SOX1: variants seen among roughly 807,000 people sequenced by gnomAD.
The protein encoded by SOX1 is SRY-box transcription factor 1, also known as transcription factor SOX-1.
SOX1 carries 1 observed loss-of-function variant against 0.9 expected under a neutral mutation model. The observed-to-expected ratio is 1.07, with a 90% CI of 0.38 to 5.06. The LOEUF is 5.06. Among genes scored for constraint, SOX1 ranks in the 30% most tolerant of loss-of-function variants. SOX1 has a pLI of 0.16. For missense variants in SOX1, 564 were observed against 534.4 expected (o/e 1.06, Z -0.55); for synonymous variants, 397 against 265.5 (o/e 1.50, Z -4.81).
In SOX1 at chr13:112,067,761, G is replaced by T. The variant is rs1880760258; in HGVS notation, c.103G>T (p.Gly35Cys). The T allele has an allele frequency of 7.9e-7, 1 of 1,264,744 alleles. No homozygotes were observed. Among genetic ancestry groups the T allele is most frequent in the Admixed American group, 3.9e-5 (1 of 25,472 alleles). The allele number at this position is 1,264,744 out of a possible 1,614,324, so 78.3% of individuals were successfully genotyped here. Residue 35 changes from glycine (G) to cysteine (C), a missense_variant, in exon 1 of 1, where the codon GGC becomes TGC. Transcript: ENST00000330949. The surrounding 1 kb of genome is among the most constrained non-coding windows in gnomAD (Gnocchi z 5.1). Reference protein sequence around the residue: ...PAGAGGGGGGGGGGGGGGGAK... With the variant: ...PAGAGGGGGGCGGGGGGGGAK... ...CGGGGCGGGCGGCGGCGGGGGCGGAGGCGGGGGCGGCGGCGGCGGCGGGGG... is the reference window on the plus strand; with the variant it reads ...CGGGGCGGGCGGCGGCGGGGGCGGATGCGGGGGCGGCGGCGGCGGCGGGGG...
In SOX1 at chr13:112,068,497, CCGCGGCCGCCGCCGCCGCCG is replaced by C; in HGVS notation, c.841_860del (p.Ala281CysfsTer173). 1 of 1,029,944 alleles carries C rather than the reference CCGCGGCCGCCGCCGCCGCCG, an allele frequency of 9.7e-7. No homozygotes were observed. 63.8% of individuals were successfully genotyped at this position (1,029,944 alleles called of 1,614,324 possible). On this transcript the variant is annotated frameshift_variant, in exon 1 of 1. Coordinates refer to ENST00000330949, the MANE Select transcript of SOX1 (RefSeq NM_005986.3). LOFTEE classifies it low-confidence loss of function (END_TRUNC). This position sits in a 1 kb window ranked among gnomAD's most constrained non-coding sequence, Gnocchi z 6.9. ...GGCTACGGCGGCCTCCCCTACGGCG[CCGCGGCCGCCGCCGCCGCCG>C]CTGCGGGCGGCGCGCACCAGAACTC...
At position 112,068,473 on chromosome 13, in the gene SOX1, G is replaced by A; in HGVS notation, c.815G>A (p.Gly272Asp). The A allele has an allele frequency of 8.8e-7, 1 of 1,142,592 alleles. No individual in the cohort carries two copies. 70.8% of individuals were successfully genotyped at this position (1,142,592 alleles called of 1,614,324 possible). A position where few individuals can be genotyped will look rare whatever the true frequency, so the allele number is the denominator to read the frequency against. ...GGCTACATGAGCGCGTCGCCCTCGGGCTACGGCGGCCTCCCCTACGGCGCC... is the reference window on the plus strand; with the variant it reads ...GGCTACATGAGCGCGTCGCCCTCGGACTACGGCGGCCTCCCCTACGGCGCC... ...SQGYMSASPS[G>D]YGGLPYGAAA... Residue 272 changes from glycine to aspartate, a missense_variant, in exon 1 of 1, where the codon GGC becomes GAC. Transcript: ENST00000330949. This position sits in a 1 kb window ranked among gnomAD's most constrained non-coding sequence, Gnocchi z 6.9.
chr13:112,068,661 C>T lies in SOX1; in HGVS notation c.1003C>T (p.Pro335Ser). 7 of 1,166,834 alleles carry T rather than the reference C, an allele frequency of 6.0e-6. No individual in the cohort carries two copies. Among genetic ancestry groups the T allele is most frequent in the Non-Finnish European group, 7.4e-6 (7 of 946,450 alleles). 72.3% of individuals were successfully genotyped at this position (1,166,834 alleles called of 1,614,324 possible). A position where few individuals can be genotyped will look rare whatever the true frequency, so the allele number is the denominator to read the frequency against. ...SPPAPAHSRAPCPGDLREMIS... is the reference protein window; with the variant it reads ...SPPAPAHSRASCPGDLREMIS... ...GCCCGCCCCAGCGCACTCGCGGGCG[C>T]CGTGCCCCGGGGACCTGCGCGAGAT... The change falls in exon 1 of 1, where the codon CCG becomes TCG. Residue 335 changes from proline (P) to serine (S), a missense_variant. Physicochemically the swap from Pro to Ser is moderately conservative, Grantham distance 74. Coordinates refer to ENST00000330949, the MANE Select transcript of SOX1 (RefSeq NM_005986.3). This position sits in a 1 kb window ranked among gnomAD's most constrained non-coding sequence, Gnocchi z 6.9.
Position 112,067,596 on chromosome 13 carries a change from AC to A in SOX1, c.-59del. The A allele has an allele frequency of 1.0e-6, 1 of 955,366 alleles. No individual in the cohort carries two copies. The allele number at this position is 955,366 out of a possible 1,614,324, so 59.2% of individuals were successfully genotyped here. Reference sequence around the variant, plus strand: ...CTGAATTCCTCTCCGTCTCCCTCCCACCCCGGCCGTCTATGCTCCAGGCCCT... The same window carrying A: ...CTGAATTCCTCTCCGTCTCCCTCCCACCCGGCCGTCTATGCTCCAGGCCCT... On this transcript the variant is annotated 5_prime_UTR_variant, in exon 1 of 1. Transcript: ENST00000330949. This position sits in a 1 kb window ranked among gnomAD's most constrained non-coding sequence, Gnocchi z 5.1.
In SOX1 at chr13:112,068,789, C is replaced by G; in HGVS notation, c.1131C>G (p.Gly377=). ...RLHSLPQHYQ[G]AGAGVNGTVP... Reference sequence around the variant, plus strand: ...ACTCGCTGCCGCAGCACTACCAGGGCGCGGGCGCGGGCGTGAACGGCACGG... The same window carrying G: ...ACTCGCTGCCGCAGCACTACCAGGGGGCGGGCGCGGGCGTGAACGGCACGG... The change falls in exon 1 of 1, where the codon GGC becomes GGG. Residue 377 remains glycine, a synonymous_variant. Transcript: ENST00000330949. The surrounding 1 kb of genome is among the most constrained non-coding windows in gnomAD (Gnocchi z 6.9). 1 of 1,225,150 alleles carries G rather than the reference C, an allele frequency of 8.2e-7. No homozygotes were observed. Among genetic ancestry groups the G allele is most frequent in the Admixed American group, 4.3e-5 (1 of 23,094 alleles). The allele number at this position is 1,225,150 out of a possible 1,614,324, so 75.9% of individuals were successfully genotyped here. A position where few individuals can be genotyped will look rare whatever the true frequency, so the allele number is the denominator to read the frequency against.
Position 112,068,541 on chromosome 13 carries a change from TCGGCCGTGG to T in SOX1, c.888_896del (p.Val297_Ala299del). ...CGCTGCGGGCGGCGCGCACCAGAACTCGGCCGTGGCGGCGGCGGCGGCGGCGGCGGCCGC... is the reference window on the plus strand; with the variant it reads ...CGCTGCGGGCGGCGCGCACCAGAACTCGGCGGCGGCGGCGGCGGCGGCCGC... On this transcript the variant is annotated inframe_deletion, in exon 1 of 1. Transcript: ENST00000330949. The surrounding 1 kb of genome is among the most constrained non-coding windows in gnomAD (Gnocchi z 6.9). 1.1e-6 allele frequency: 1 copy of T among 923,412 alleles called. No individual in the cohort carries two copies. Among genetic ancestry groups the T allele is most frequent in the Non-Finnish European group, 1.3e-6 (1 of 779,566 alleles). The allele number at this position is 923,412 out of a possible 1,614,324, so 57.2% of individuals were successfully genotyped here.
rs1880840925 is a variant in SOX1, at chr13:112,069,836, T to G, written c.*1002T>G. The G allele has an allele frequency of 6.0e-6, 1 of 167,020 alleles. No homozygotes were observed. Among genetic ancestry groups the G allele is most frequent in the Non-Finnish European group, 1.5e-5 (1 of 68,108 alleles). The allele number at this position is 167,020 out of a possible 1,614,324, so 10.3% of individuals were successfully genotyped here. A position where few individuals can be genotyped will look rare whatever the true frequency, so the allele number is the denominator to read the frequency against. ...CTATAGGTTATTTTGTAGAGCTGAGTGTTAATACGGGCCGAGAAATAAAAG... is the reference window on the plus strand; with the variant it reads ...CTATAGGTTATTTTGTAGAGCTGAGGGTTAATACGGGCCGAGAAATAAAAG... On this transcript the variant is annotated 3_prime_UTR_variant, in exon 1 of 1. Coordinates refer to ENST00000330949, the MANE Select transcript of SOX1 (RefSeq NM_005986.3).
chr13:112,070,432 C>T lies in SOX1; in HGVS notation c.*1598C>T, dbSNP rs1472248229. On this transcript the variant is annotated 3_prime_UTR_variant, in exon 1 of 1. Coordinates refer to ENST00000330949, the MANE Select transcript of SOX1 (RefSeq NM_005986.3). ...TTTTTTTTTTGAAATTTAAAAATTT[C>T]TGTAAAACTTTGTCTTCAAGTAATC... is the stretch of plus-strand genomic sequence containing the variant. The T allele has an allele frequency of 6.0e-6, 1 of 165,680 alleles. No individual in the cohort carries two copies. Among genetic ancestry groups the T allele is most frequent in the Non-Finnish European group, 1.5e-5 (1 of 67,940 alleles). 10.3% of individuals were successfully genotyped at this position (165,680 alleles called of 1,614,324 possible).
At position 112,069,968 on chromosome 13, in the gene SOX1, G is replaced by A. The variant is rs557570863; in HGVS notation, c.*1134G>A. The A allele has an allele frequency of 6.0e-6, 1 of 167,192 alleles. No individual in the cohort carries two copies. The highest frequency in any genetic ancestry group is 2.4e-5 in the African/African-American group (1 of 41,452). 10.4% of individuals were successfully genotyped at this position (167,192 alleles called of 1,614,324 possible). ...GGCTGGGGGTCTGCGCCACAGTTTG[G>A]TCCAGAGGAGGGAGGAGGAAGGGAA... On this transcript the variant is annotated 3_prime_UTR_variant, in exon 1 of 1. Transcript: ENST00000330949.
In SOX1 at chr13:112,067,533, C is replaced by A; in HGVS notation, c.-126C>A. On this transcript the variant is annotated 5_prime_UTR_variant, in exon 1 of 1. Coordinates refer to ENST00000330949, the MANE Select transcript of SOX1 (RefSeq NM_005986.3). The surrounding 1 kb of genome is among the most constrained non-coding windows in gnomAD (Gnocchi z 5.1). ...GTTGCCTCCACCCCTCCCCATTCTT[C>A]TCTCCGCTAGGACCCCCCCGCCCCC... 2.8e-6 allele frequency: 1 copy of A among 363,458 alleles called. No individual in the cohort carries two copies. Among genetic ancestry groups the A allele is most frequent in the Non-Finnish European group, 4.1e-6 (1 of 246,234 alleles). 22.5% of individuals were successfully genotyped at this position (363,458 alleles called of 1,614,324 possible). A position where few individuals can be genotyped will look rare whatever the true frequency, so the allele number is the denominator to read the frequency against.
In SOX1 at chr13:112,068,854, ACT is replaced by A. The variant is rs1880808712; in HGVS notation, c.*23_*24del. Reference sequence around the variant, plus strand: ...ATCTAGCGCCTTCGGGACGCCGGGGACTCTGCGGCGGCGACCCACGAGCTCGC... The same window carrying A: ...ATCTAGCGCCTTCGGGACGCCGGGGACTGCGGCGGCGACCCACGAGCTCGC... On this transcript the variant is annotated 3_prime_UTR_variant, in exon 1 of 1. Coordinates refer to ENST00000330949, the MANE Select transcript of SOX1 (RefSeq NM_005986.3). This position sits in a 1 kb window ranked among gnomAD's most constrained non-coding sequence, Gnocchi z 6.9. 8.3e-7 allele frequency: 1 copy of A among 1,205,656 alleles called. No homozygotes were observed. The highest frequency in any genetic ancestry group is 1.0e-6 in the Non-Finnish European group (1 of 963,334). The allele number at this position is 1,205,656 out of a possible 1,614,324, so 74.7% of individuals were successfully genotyped here. A position where few individuals can be genotyped will look rare whatever the true frequency, so the allele number is the denominator to read the frequency against.
chr13:112,070,633 G>C lies in SOX1; in HGVS notation c.*1799G>C, dbSNP rs1377953116. ...CCTCGCTTTCTCAACACCCTTCCTTGTCCTGGAGTATGGACTGTCCGTCCA... is the reference window on the plus strand; with the variant it reads ...CCTCGCTTTCTCAACACCCTTCCTTCTCCTGGAGTATGGACTGTCCGTCCA... On this transcript the variant is annotated 3_prime_UTR_variant, in exon 1 of 1. Coordinates refer to ENST00000330949, the MANE Select transcript of SOX1 (RefSeq NM_005986.3). 5 of 166,828 alleles carry C rather than the reference G, an allele frequency of 3.0e-5. No individual in the cohort carries two copies. Among genetic ancestry groups the C allele is most frequent in the Non-Finnish European group, 5.9e-5 (4 of 68,094 alleles). 10.3% of individuals were successfully genotyped at this position (166,828 alleles called of 1,614,324 possible).
chr13:112,069,056 G>C lies in SOX1; in HGVS notation c.*222G>C, dbSNP rs1459028880. ...GCGCTGACACCAGACTTGGGTTTTA[G>C]ACTGAACTTCGGTGTTTTCTTGAGA... On this transcript the variant is annotated 3_prime_UTR_variant, in exon 1 of 1. Transcript: ENST00000330949. The C allele has an allele frequency of 3.4e-6, 1 of 291,766 alleles. No individual in the cohort carries two copies. Among genetic ancestry groups the C allele is most frequent in the Non-Finnish European group, 6.7e-6 (1 of 149,598 alleles). 18.1% of individuals were successfully genotyped at this position (291,766 alleles called of 1,614,324 possible). A position where few individuals can be genotyped will look rare whatever the true frequency, so the allele number is the denominator to read the frequency against.
In SOX1 at chr13:112,068,237, C is replaced by T. The variant is rs1321976226; in HGVS notation, c.579C>T (p.Pro193=). The change falls in exon 1 of 1, where the codon CCC becomes CCT. Residue 193 remains proline, a synonymous_variant. Transcript: ENST00000330949. This position sits in a 1 kb window ranked among gnomAD's most constrained non-coding sequence, Gnocchi z 6.9. The part of the protein sequence containing the change: ...HVNGWANGAY[P]GSVAAAAAAA... ...ACGGCTGGGCCAACGGCGCCTACCC[C>T]GGCTCGGTGGCGGCGGCGGCGGCGG... 4.1e-6 allele frequency: 3 copies of T among 734,252 alleles called. No homozygotes were observed. The East Asian group carries it at 3.4e-4, about 83-fold the overall frequency. 45.5% of individuals were successfully genotyped at this position (734,252 alleles called of 1,614,324 possible). A position where few individuals can be genotyped will look rare whatever the true frequency, so the allele number is the denominator to read the frequency against.
rs1880770171 is a variant in SOX1, at chr13:112,068,039, G to A, written c.381G>A (p.Lys127=). The A allele has an allele frequency of 2.5e-6, 4 of 1,602,844 alleles. No individual in the cohort carries two copies. The highest frequency in any genetic ancestry group is 3.4e-5 in the Admixed American group (2 of 58,926). Residue 127 remains lysine, a synonymous_variant, in exon 1 of 1, where the codon AAG becomes AAA. Transcript: ENST00000330949. This position sits in a 1 kb window ranked among gnomAD's most constrained non-coding sequence, Gnocchi z 6.9. ...DYKYRPRRKT[K]TLLKKDKYSL... ...AGTACCGGCCGCGCCGCAAGACCAA[G>A]ACGCTGCTCAAGAAGGACAAGTACT...
chr13:112,067,967 G>A lies in SOX1; in HGVS notation c.309G>A (p.Glu103=), dbSNP rs1218462800. The part of the protein sequence containing the change: ...SEAEKRPFID[E]AKRLRALHMK... ...CCGAGAAGCGGCCGTTCATCGACGA[G>A]GCCAAGCGGCTGCGCGCGCTGCACA... Residue 103 remains glutamate (E), a synonymous_variant, in exon 1 of 1, where the codon GAG becomes GAA. Transcript: ENST00000330949. The surrounding 1 kb of genome is among the most constrained non-coding windows in gnomAD (Gnocchi z 5.1). 1.9e-6 allele frequency: 3 copies of A among 1,607,244 alleles called. No individual in the cohort carries two copies. The African/African-American group carries it at 4.0e-5, about 22-fold the overall frequency.
rs761294176 is a variant in SOX1 at position 112,067,630 on chromosome 13, C to A, written c.-29C>A. The A allele has an allele frequency of 3.2e-6, 4 of 1,260,878 alleles. No homozygotes were observed. In the South Asian group the frequency reaches 9.9e-5, roughly 31 times the overall value. The allele number at this position is 1,260,878 out of a possible 1,614,324, so 78.1% of individuals were successfully genotyped here. Reference sequence around the variant, plus strand: ...GTCTATGCTCCAGGCCCTCTCCTCGCGGTGCCGGTGAACCCGCCAGCCGCC... The same window carrying A: ...GTCTATGCTCCAGGCCCTCTCCTCGAGGTGCCGGTGAACCCGCCAGCCGCC... On this transcript the variant is annotated 5_prime_UTR_variant, in exon 1 of 1. Transcript: ENST00000330949. This position sits in a 1 kb window ranked among gnomAD's most constrained non-coding sequence, Gnocchi z 5.1.
Position 112,068,548 on chromosome 13 carries a change from TGGCGGCGGCGGC to T in SOX1, c.903_914del (p.Ala303_Ala306del), listed in dbSNP as rs931866282. 245 of 919,672 alleles carry T rather than the reference TGGCGGCGGCGGC, an allele frequency of 2.7e-4. No homozygotes were observed. The highest frequency in any genetic ancestry group is 3.5e-4 in the African/African-American group (18 of 51,780). 57.0% of individuals were successfully genotyped at this position (919,672 alleles called of 1,614,324 possible). ...GGCGGCGCGCACCAGAACTCGGCCG[TGGCGGCGGCGGC>T]GGCGGCGGCGGCCGCGTCGTCGGGC... On this transcript the variant is annotated inframe_deletion, in exon 1 of 1. Transcript: ENST00000330949. The surrounding 1 kb of genome is among the most constrained non-coding windows in gnomAD (Gnocchi z 6.9).
chr13:112,068,353 A>G lies in SOX1; in HGVS notation c.695A>G (p.His232Arg). ...AHPHAHPAHPHPHHPHAHPHN... is the reference protein window; with the variant it reads ...AHPHAHPAHPRPHHPHAHPHN... ...CCGCACGCGCACCCCGCGCACCCGC[A>G]CCCGCACCACCCGCACGCGCACCCG... Residue 232 changes from histidine (H) to arginine (R), a missense_variant, in exon 1 of 1, where the codon CAC becomes CGC. By Grantham distance (29) the His-to-Arg change is conservative. Transcript: ENST00000330949. This position sits in a 1 kb window ranked among gnomAD's most constrained non-coding sequence, Gnocchi z 6.9. The G allele has an allele frequency of 8.0e-7, 1 of 1,247,426 alleles. No individual in the cohort carries two copies. The highest frequency in any genetic ancestry group is 5.3e-5 in the East Asian group (1 of 18,700). The allele number at this position is 1,247,426 out of a possible 1,614,324, so 77.3% of individuals were successfully genotyped here.
Sources: allele counts gnomAD v4.1 joint callset, GRCh38; gene constraint gnomAD v4.1.1; non-coding constraint Gnocchi (gnomAD v3.1); transcripts MANE v1.5; gene names NCBI Gene and HGNC (gene_info 2026-07-23, HGNC 2026-07-21).